Variants in GATAD2A observed in about 807,000 individuals in gnomAD.
GATAD2A encodes transcriptional repressor p66-alpha.
GATAD2A carries 12 observed loss-of-function variants against 68.5 expected under a neutral mutation model. The ratio of observed to expected loss-of-function variants is 0.18; its 90% CI spans 0.11 to 0.28. The LOEUF (loss-of-function observed/expected upper bound fraction) is 0.28, where lower values mean the gene tolerates loss of function less well. Ranked by LOEUF, GATAD2A falls within the 10% of genes least tolerant of loss-of-function variation. The pLI is 1.00. For missense variants in GATAD2A, 755 were observed against 868.5 expected, an observed-to-expected ratio of 0.87 and a Z score of 1.64; for synonymous variants, 410 against 375.3, an observed-to-expected ratio of 1.09 and a Z score of -1.07.
At chr19:19,417,269 G>C (rs1456345816) in intron 1 of GATAD2A, among the ~76,000 whole-genome samples, 2 of 152,134 alleles carry the variant, frequency 1.3e-5, no homozygotes, top group African/African-American at 4.8e-5. Context: ...AGACGTCCTT[G>C]TGGGTAAGTG....
In GATAD2A at chr19:19,465,630, CAGCGGGAGGGGCT is replaced by C. The variant is rs2057806298; in HGVS notation, c.269+17_269+29del. 1 of 1,588,044 alleles carries C rather than the reference CAGCGGGAGGGGCT, an allele frequency of 6.3e-7. No individual in the cohort carries two copies. Among genetic ancestry groups the C allele is most frequent in the South Asian group, 1.1e-5 (1 of 89,006 alleles). On this transcript the variant is annotated intron_variant, in intron 2 of 11. Coordinates refer to ENST00000683918, the MANE Select transcript of GATAD2A (RefSeq NM_001384528.1). ...CCTCACACAGGTGAGTGGGAGGAGCCAGCGGGAGGGGCTGGAACCTGGAGACAAGCCCAGTGTG... is the reference window on the plus strand; with the variant it reads ...CCTCACACAGGTGAGTGGGAGGAGCCGGAACCTGGAGACAAGCCCAGTGTG...
intron 1 of GATAD2A, among the ~76,000 whole-genome samples, chr19:19,413,590 T>C (rs1432767028): frequency 6.6e-6 from 1 of 152,106 alleles, no homozygotes; most frequent in Non-Finnish European, 1.5e-5. Context: ...GTTTTTGTTT[T>C]TGTTTTTTTG....
chr19:19,462,046 A>G (rs2057477262), intron 1 of GATAD2A, among the ~76,000 whole-genome samples: 1 of 152,176 alleles, frequency 6.6e-6, no homozygotes, highest in African/African-American at 2.4e-5. Context: ...GAATTTTGAA[A>G]TGAATCCTCA....
upstream of GATAD2A, among the ~76,000 whole-genome samples, chr19:19,400,802 C>T (rs924426858): frequency 6.6e-6 from 1 of 151,948 alleles, no homozygotes. Context: ...GTTATATTGT[C>T]CCTAAACTTA....
At chr19:19,471,568 A>G (rs1003408882) in intron 2 of GATAD2A, among the ~76,000 whole-genome samples, 3 of 152,250 alleles carry the variant, frequency 2.0e-5, no homozygotes, top group African/African-American at 7.2e-5. Flanking sequence ...TTTTGGGAAG[A>G]TGGAAATATT....
chr19:19,500,007 G>C (rs768472457), intron 8 of GATAD2A, among the ~76,000 whole-genome samples: 2 of 152,216 alleles, frequency 1.3e-5, no homozygotes, highest in African/African-American at 4.8e-5. Context: ...ATTGGGGGCC[G>C]AGTTGGGACC....
chr19:19,442,571 T>C (rs2147677947), intron 1 of GATAD2A, among the ~76,000 whole-genome samples: 1 of 152,192 alleles, frequency 6.6e-6, no homozygotes, highest in East Asian at 1.9e-4. Flanking sequence ...AAAGTTGCAG[T>C]GAGCCAAGAT....
chr19:19,434,546 A>G (rs563436451), intron 1 of GATAD2A, among the ~76,000 whole-genome samples: 1 of 152,322 alleles, frequency 6.6e-6, no homozygotes, highest in East Asian at 1.9e-4. Context: ...TTAAAAATAA[A>G]GGTTTCATAT....
rs1031579269 is a variant in GATAD2A at position 19,502,053 on chromosome 19, G to A, written c.1578+10G>A. On this transcript the variant is annotated intron_variant, in intron 10 of 11. Transcript: ENST00000683918. ...CGGGGCTGTGCTACAGGTCAGAACC[G>A]CACTGGGCGCCGGGAGCCTCGCGCC... 4.4e-6 allele frequency: 7 copies of A among 1,606,496 alleles called. No homozygotes were observed. Among genetic ancestry groups the A allele is most frequent in the Admixed American group, 1.7e-5 (1 of 59,756 alleles).
intron 1 of GATAD2A, among the ~76,000 whole-genome samples, chr19:19,409,501 G>A (rs1232537693): frequency 6.6e-6 from 1 of 152,164 alleles, no homozygotes; most frequent in Non-Finnish European, 1.5e-5. Flanking sequence ...AAGTGTGGTC[G>A]TTTGTTAGAA....
intron 1 of GATAD2A, among the ~76,000 whole-genome samples, chr19:19,452,202 A>C (rs59432787): frequency 6.6e-6 from 1 of 151,964 alleles, no homozygotes; most frequent in Admixed American, 6.6e-5. Flanking sequence ...TGCCTTTCCT[A>C]CAGGGTCAGA....
At position 19,498,482 on chromosome 19, in the gene GATAD2A, G is replaced by A. The variant is rs199661656; in HGVS notation, c.964G>A (p.Ala322Thr). 2.7e-5 allele frequency: 44 copies of A among 1,612,790 alleles called. No individual in the cohort carries two copies. The highest frequency in any genetic ancestry group is 3.3e-5 in the Admixed American group (2 of 60,000). Residue 322 changes from alanine (A) to threonine (T), a missense_variant, in exon 8 of 12, where the codon GCT becomes ACT. Physicochemically the swap from Ala to Thr is moderately conservative, Grantham distance 58 (BLOSUM62 0). Transcript: ENST00000683918. ...ASLKGTTATSAQANSTPTSVA... is the reference protein window; with the variant it reads ...ASLKGTTATSTQANSTPTSVA... The stretch of plus-strand genomic sequence containing the variant: ...ACTGAAGGGGACAACAGCCACCTCC[G>A]CTCAGGCCAACTCCACCCCCACTAG...
In GATAD2A at chr19:19,501,271, T is replaced by C; in HGVS notation, c.1358T>C (p.Val453Ala). Residue 453 changes from valine (V) to alanine (A), a missense_variant, in exon 9 of 12, where the codon GTG becomes GCG. By Grantham distance (64) the Val-to-Ala change is moderately conservative (BLOSUM62 0). Transcript: ENST00000683918. ...MTTNQKKALK[V>A]EHTSRLKAAF... ...ACCAACCAGAAGAAGGCGCTCAAGG[T>C]GGAGCACACCAGCCGGCTGAAGGCC... The C allele has an allele frequency of 6.2e-7, 1 of 1,613,270 alleles. No homozygotes were observed.
intron 1 of GATAD2A, among the ~76,000 whole-genome samples, chr19:19,418,059 G>A (rs1262717820): frequency 6.6e-6 from 1 of 152,210 alleles, no homozygotes; most frequent in Non-Finnish European, 1.5e-5. Flanking sequence ...GCTGAATGAC[G>A]ACTGGAGGGT....
intron 1 of GATAD2A, among the ~76,000 whole-genome samples, chr19:19,415,908 G>A (rs761875190): frequency 2.6e-5 from 4 of 151,868 alleles, no homozygotes; most frequent in Non-Finnish European, 4.4e-5. Context: ...GAGCCACCAC[G>A]CCCGGCCGAC....
At chr19:19,487,664 G>C (rs979764434) in intron 2 of GATAD2A, among the ~76,000 whole-genome samples, 1 of 152,194 alleles carries the variant, frequency 6.6e-6, no homozygotes, top group African/African-American at 2.4e-5. Context: ...GGCCGGGCAG[G>C]CTTCCTGAGG....
intron 1 of GATAD2A, among the ~76,000 whole-genome samples, chr19:19,444,832 C>G (rs375652211): frequency 7.0e-6 from 1 of 143,682 alleles, no homozygotes; most frequent in African/African-American, 2.6e-5. Context: ...GATTGTGGCT[C>G]TGCACTCCAG....
chr19:19,488,317 G>T (rs1474727230), intron 2 of GATAD2A, among the ~76,000 whole-genome samples: 2 of 152,206 alleles, frequency 1.3e-5, no homozygotes, highest in Non-Finnish European at 2.9e-5. Flanking sequence ...TTATCCAGGG[G>T]TTCCTCCCCA....
At chr19:19,500,942 T>A (rs770926932) in intron 8 of GATAD2A, among the ~76,000 whole-genome samples, 176 bp from the exon 9 acceptor site, 1 of 152,242 alleles carries the variant, frequency 6.6e-6, no homozygotes, top group Non-Finnish European at 1.5e-5. Flanking sequence ...GCCGACGTTT[T>A]CTGAAGCTGT....
Sources: gnomAD v4.1 joint callset for allele counts (sites outside exome capture counted in the v4.1 genomes callset) on GRCh38, gnomAD v4.1.1 for gene constraint, MANE v1.5 for transcripts, NCBI Gene and HGNC (gene_info 2026-07-23, HGNC 2026-07-21) for gene names.